The following SPOCK1 variants were observed in gnomAD, a reference collection of about 807,000 sequenced individuals.
SPOCK1 encodes the protein testican-1.
A neutral mutation model predicts 55.3 loss-of-function variants in SPOCK1; 23 were observed. The ratio of observed to expected loss-of-function variants is 0.42; its 90% confidence interval spans 0.30 to 0.59. SPOCK1 has a LOEUF of 0.59. Among genes scored for constraint, SPOCK1 ranks in the 20% least tolerant of loss-of-function variants. The pLI, the probability that SPOCK1 is intolerant of heterozygous loss-of-function variation, is 0.22. For synonymous variants in SPOCK1, 226 were observed against 221.0 expected (o/e 1.02, Z -0.20); for missense variants, 499 against 552.5 (o/e 0.90, Z 0.97).
chr5:137,403,487 A>T (rs1413468721), intron 2 of SPOCK1, among the ~76,000 whole-genome samples: 2 of 152,236 alleles, frequency 1.3e-5, no homozygotes, highest in African/African-American at 4.8e-5. Context: ...AGAAGTGGAA[A>T]ATAAGAGACA....
At chr5:137,040,611 T>C (rs939600167) in intron 6 of SPOCK1, among the ~76,000 whole-genome samples, 3 of 152,262 alleles carry the variant, frequency 2.0e-5, no homozygotes, top group African/African-American at 7.2e-5. Flanking sequence ...CTAAATCTGT[T>C]GCTTAAACTG....
chr5:137,417,218 C>A (rs1165509149), intron 2 of SPOCK1, among the ~76,000 whole-genome samples: 1 of 150,862 alleles, frequency 6.6e-6, no homozygotes. Context: ...TATGAGAATG[C>A]TTTTTGAGTC....
intron 3 of SPOCK1, among the ~76,000 whole-genome samples, chr5:137,190,290 T>C (rs1395065463): frequency 6.6e-6 from 1 of 152,170 alleles, no homozygotes; most frequent in Non-Finnish European, 1.5e-5. Context: ...TCAATCAATG[T>C]AGCAAACTTC....
intron 2 of SPOCK1, among the ~76,000 whole-genome samples, chr5:137,296,834 T>C (rs1343827621): frequency 6.6e-6 from 1 of 152,182 alleles, no homozygotes; most frequent in East Asian, 1.9e-4. Context: ...AGCCCATGTA[T>C]GGAATAGCAG....
At chr5:137,018,704 A>T (rs906220732) in intron 6 of SPOCK1, among the ~76,000 whole-genome samples, 45 of 151,938 alleles carry the variant, frequency 3.0e-4, no homozygotes, top group African/African-American at 1.1e-3. Flanking sequence ...GCATATTAGG[A>T]TTTTTTTTGA....
chr5:137,332,784 GCAGA>G (rs1017419759), intron 2 of SPOCK1, among the ~76,000 whole-genome samples: 3 of 152,188 alleles, frequency 2.0e-5, no homozygotes, highest in African/African-American at 7.2e-5. Context: ...GTGTAGAGAG[GCAGA>G]CAGACAGATG....
At chr5:137,191,551 G>T (rs116409424) in intron 3 of SPOCK1, among the ~76,000 whole-genome samples, 1 of 152,218 alleles carries the variant, frequency 6.6e-6, no homozygotes, top group Non-Finnish European at 1.5e-5. Flanking sequence ...CAAAACCTTC[G>T]CATGAATCAT....
intron 2 of SPOCK1, among the ~76,000 whole-genome samples, chr5:137,346,893 G>T (rs981551031): frequency 6.6e-6 from 1 of 152,160 alleles, no homozygotes; most frequent in African/African-American, 2.4e-5. Flanking sequence ...ATGCCTAGTG[G>T]GGCAGACTCC....
Position 137,058,070 on chromosome 5 carries a change from G to T in SPOCK1, c.589+9645C>A, listed in dbSNP as rs867082767. Reference sequence around the variant, plus strand: ...TCCCATCAGTGAAGGCTGTGATCTCGTAAAGGGCTATATTCTCTGAGTACC... The same window carrying T: ...TCCCATCAGTGAAGGCTGTGATCTCTTAAAGGGCTATATTCTCTGAGTACC... On this transcript the variant is annotated intron_variant, in intron 6 of 10. Transcript: ENST00000394945. Among the ~76,000 whole-genome samples the T allele has an allele frequency of 1.4e-4, 22 of 152,298 alleles. No individual in the cohort carries two copies. In the South Asian group the frequency reaches 2.5e-3, roughly 17 times the overall value.
Position 136,985,200 on chromosome 5 carries a change from G to T in SPOCK1, c.931C>A (p.Leu311Ile). ...WCYCFQKPGG[L>I]PCQNEMNRIQ... ...CTGTTCATTTCATTCTGGCAAGGGA[G>T]ACCTAAAAAATAATTTCTGAAAGTC... The change falls in exon 9 of 11, where the codon CTC becomes ATC. Residue 311 changes from leucine to isoleucine, a missense_variant and splice_region_variant. By Grantham distance (5) the Leu-to-Ile change is conservative (BLOSUM62 2). Transcript: ENST00000394945. 6.2e-7 allele frequency: 1 copy of T among 1,614,094 alleles called. No homozygotes were observed. Among genetic ancestry groups the T allele is most frequent in the Non-Finnish European group, 8.5e-7 (1 of 1,179,922 alleles).
intron 2 of SPOCK1, among the ~76,000 whole-genome samples, chr5:137,397,100 G>A (rs767894373): frequency 1.3e-5 from 2 of 152,094 alleles, no homozygotes; most frequent in Non-Finnish European, 2.9e-5. Flanking sequence ...CCAGATTCTT[G>A]GTCCAAAAGC....
chr5:137,031,798 T>A (rs965189691), intron 6 of SPOCK1, among the ~76,000 whole-genome samples: 1 of 152,044 alleles, frequency 6.6e-6, no homozygotes, highest in Non-Finnish European at 1.5e-5. Context: ...CTTTTTATCA[T>A]AATCAAGAAT....
chr5:137,075,218 T>C (rs927836779), intron 5 of SPOCK1, among the ~76,000 whole-genome samples: 2 of 152,188 alleles, frequency 1.3e-5, no homozygotes, highest in African/African-American at 2.4e-5. Context: ...ATTAAACTAA[T>C]AGCCAGGGGA....
chr5:137,217,359 A>T (rs374999910), intron 3 of SPOCK1, among the ~76,000 whole-genome samples: 12 of 152,308 alleles, frequency 7.9e-5, no homozygotes, highest in Non-Finnish European at 1.5e-4. Flanking sequence ...GGAAAGAGAC[A>T]GAGTTCAAGA....
chr5:137,063,573 A>G (rs1366363740), intron 6 of SPOCK1, among the ~76,000 whole-genome samples: 1 of 152,188 alleles, frequency 6.6e-6, no homozygotes, highest in African/African-American at 2.4e-5. Context: ...CATCCTCCAC[A>G]CTGACATCCA....
chr5:137,019,008 A>C (rs1409840600), intron 6 of SPOCK1, among the ~76,000 whole-genome samples: 4 of 152,158 alleles, frequency 2.6e-5, no homozygotes, highest in Non-Finnish European at 5.9e-5. Context: ...CACATACACA[A>C]AAGTGTTTCA....
rs1221222545 is a variant in SPOCK1, at chr5:136,976,636, T to C, written c.*2018A>G. On this transcript the variant is annotated 3_prime_UTR_variant, in exon 11 of 11. Transcript: ENST00000394945. Reference sequence around the variant, plus strand: ...AGTAATTTTATTGCAATTAAGCACCTGTTTTCTAAATTATCTCAGTTTTGT... The same window carrying C: ...AGTAATTTTATTGCAATTAAGCACCCGTTTTCTAAATTATCTCAGTTTTGT... 2 of 152,658 alleles carry C rather than the reference T, an allele frequency of 1.3e-5. No homozygotes were observed. Among genetic ancestry groups the C allele is most frequent in the Admixed American group, 1.3e-4 (2 of 15,288 alleles). 9.5% of individuals were successfully genotyped at this position (152,658 alleles called of 1,614,324 possible). A position where few individuals can be genotyped will look rare whatever the true frequency, so the allele number is the denominator to read the frequency against.
chr5:137,227,379 T>C (rs554826386), intron 3 of SPOCK1, among the ~76,000 whole-genome samples: 6 of 152,326 alleles, frequency 3.9e-5, no homozygotes, highest in African/African-American at 1.4e-4. Context: ...GCAAGAAAAG[T>C]AGACTTTGCT....
At chr5:137,423,647 G>A (rs567245396) in intron 2 of SPOCK1, among the ~76,000 whole-genome samples, 1 of 152,308 alleles carries the variant, frequency 6.6e-6, no homozygotes, top group Admixed American at 6.5e-5. Context: ...CAGTATTAGA[G>A]TGGGAGTGAC....
Sources: gnomAD v4.1 joint callset for allele counts (sites outside exome capture counted in the v4.1 genomes callset) on GRCh38, gnomAD v4.1.1 for gene constraint, MANE v1.5 for transcripts, NCBI Gene and HGNC (gene_info 2026-07-23, HGNC 2026-07-21) for gene names.